The following DYSF variants were observed in gnomAD, a reference collection of about 807,000 sequenced individuals.
The protein encoded by DYSF is dystrophy-associated fer-1-like 1.
A neutral mutation model predicts 274.9 loss-of-function variants in DYSF; 212 were observed. That is an observed-to-expected ratio of 0.77 (90% CI 0.69 to 0.86). The LOEUF is 0.86. DYSF is among the 40% of genes least tolerant of loss of function. DYSF has a pLI of 0.00. For synonymous variants in DYSF, 1,091 were observed against 1,078.7 expected, an observed-to-expected ratio of 1.01 and a Z score of -0.22; for missense variants, 2,666 against 2,783.2, an observed-to-expected ratio of 0.96 and a Z score of 0.95.
rs975954590 is a variant in DYSF, at chr2:71,568,165, C to T, written c.2698-7C>T. On this transcript the variant is annotated splice_region_variant and splice_polypyrimidine_tract_variant and intron_variant, in intron 25 of 55. Transcript: ENST00000410020. Reference sequence around the variant, plus strand: ...CTGCTCACGCCTCATTCTTCCTGGCCCTCCAGTATGAGAACGAGACTAAGT... The same window carrying T: ...CTGCTCACGCCTCATTCTTCCTGGCTCTCCAGTATGAGAACGAGACTAAGT... 1 of 1,614,214 alleles carries T rather than the reference C, an allele frequency of 6.2e-7. No homozygotes were observed. Among genetic ancestry groups the T allele is most frequent in the Non-Finnish European group, 8.5e-7 (1 of 1,180,038 alleles).
intron 29 of DYSF, among the ~76,000 whole-genome samples, chr2:71,573,200 C>T (rs770799845): frequency 6.6e-6 from 1 of 152,214 alleles, no homozygotes; most frequent in South Asian, 2.1e-4. Context: ...TTGCTGGCTC[C>T]AGGGAGGGGC....
chr2:71,535,815 C>A (rs1482812269), intron 16 of DYSF, among the ~76,000 whole-genome samples: 4 of 152,186 alleles, frequency 2.6e-5, no homozygotes, highest in African/African-American at 9.7e-5. Flanking sequence ...GTGAGGACAG[C>A]AGCTCACGGG....
intron 4 of DYSF, among the ~76,000 whole-genome samples, chr2:71,511,230 G>T (rs537538742): frequency 6.6e-6 from 1 of 152,226 alleles, no homozygotes; most frequent in Non-Finnish European, 1.5e-5. Context: ...GTGCTGGGGG[G>T]CAGGAAGGAA....
chr2:71,588,194 A>T (rs983562782), intron 30 of DYSF, among the ~76,000 whole-genome samples: 4 of 152,114 alleles, frequency 2.6e-5, no homozygotes, highest in Non-Finnish European at 4.4e-5. Context: ...TTGGTGTCGG[A>T]TGGGGAAAGA....
At chr2:71,577,545 C>T (rs530667932) in intron 30 of DYSF, among the ~76,000 whole-genome samples, 19 of 151,252 alleles carry the variant, frequency 1.3e-4, no homozygotes, top group Non-Finnish European at 1.9e-4. Flanking sequence ...CACACTAACA[C>T]GTACACAATC....
chr2:71,577,323 GTC>G (rs980119920), intron 30 of DYSF, among the ~76,000 whole-genome samples: 5 of 147,498 alleles, frequency 3.4e-5, no homozygotes, highest in Non-Finnish European at 6.0e-5. Context: ...CACCAACACA[GTC>G]TCTCTCCACA....
intron 1 of DYSF, among the ~76,000 whole-genome samples, chr2:71,479,768 G>A (rs541486338): frequency 5.9e-4 from 90 of 152,312 alleles, no homozygotes; most frequent in African/African-American, 2.0e-3. Flanking sequence ...CAAAGTGTTA[G>A]TTCTTCTTGT....
chr2:71,607,773 G>T (rs2093672479), intron 36 of DYSF, among the ~76,000 whole-genome samples: 1 of 152,160 alleles, frequency 6.6e-6, no homozygotes, highest in East Asian at 1.9e-4. Flanking sequence ...TTGTCTAGAT[G>T]GTGGGGTCAG....
At chr2:71,506,960 G>C (rs887408235) in intron 4 of DYSF, among the ~76,000 whole-genome samples, 1 of 152,154 alleles carries the variant, frequency 6.6e-6, no homozygotes, top group African/African-American at 2.4e-5. Flanking sequence ...GATGGTGCCA[G>C]TTCTTCAGGA....
At chr2:71,571,157 CCCAGCACACCCAA>C (rs2092408643) in intron 29 of DYSF, among the ~76,000 whole-genome samples, 1 of 149,890 alleles carries the variant, frequency 6.7e-6, no homozygotes, top group African/African-American at 2.5e-5. Context: ...ACAGATCACA[CCCAGCACACCCAA>C]AGATCACACC....
chr2:71,540,109 T>C (rs980604255), intron 17 of DYSF, among the ~76,000 whole-genome samples: 3 of 150,108 alleles, frequency 2.0e-5, no homozygotes, highest in African/African-American at 7.5e-5. Context: ...TTCAACTTTT[T>C]TTTTCTTTTT....
In DYSF at chr2:71,658,323, T is replaced by G. The variant is rs150692044; in HGVS notation, c.4756-555T>G. On this transcript the variant is annotated intron_variant, in intron 43 of 55. Coordinates refer to ENST00000410020, the MANE Select transcript of DYSF (RefSeq NM_001130987.2). Reference sequence around the variant, plus strand: ...CTATCAGCATTTTGGGCAAAGCCATTAAACAAGTCTTTAGGAAGTTCCATA... The same window carrying G: ...CTATCAGCATTTTGGGCAAAGCCATGAAACAAGTCTTTAGGAAGTTCCATA... Among the ~76,000 whole-genome samples the G allele has an allele frequency of 2.3e-3, 357 of 152,338 alleles. 2 individuals are homozygous for G. Among genetic ancestry groups the G allele is most frequent in the African/African-American group, 7.8e-3 (325 of 41,568 alleles).
intron 30 of DYSF, 48 bp from the exon 31 acceptor site, chr2:71,589,545 C>A (rs1467594762): frequency 6.5e-7 from 1 of 1,537,624 alleles, no homozygotes; most frequent in Admixed American, 1.7e-5. Context: ...TCCCTGCCAC[C>A]CCCAGGCCTG....
At chr2:71,641,209 C>T (rs140538320) in intron 41 of DYSF, among the ~76,000 whole-genome samples, 12,820 of 126,112 alleles carry the variant, frequency 0.1, 634 homozygotes, top group Middle Eastern at 0.18. Flanking sequence ...GACGGAGTCT[C>T]GCTCTGTGGC....
At chr2:71,570,142 G>A (rs989225347) in intron 27 of DYSF, 87 bp from the exon 28 acceptor site, 28 of 1,262,874 alleles carry the variant, frequency 2.2e-5, no homozygotes, top group Non-Finnish European at 3.0e-5. Context: ...CTTGGAGGAC[G>A]TATGTTGTCA....
chr2:71,606,957 C>T (rs779553243), intron 36 of DYSF, among the ~76,000 whole-genome samples: 15 of 152,202 alleles, frequency 9.9e-5, no homozygotes, highest in Admixed American at 2.0e-4. Flanking sequence ...CACCCTCCCT[C>T]TTCCCCTTCA....
chr2:71,621,981 A>G lies in DYSF; in HGVS notation c.4527+1372A>G, dbSNP rs2094113436. 2.0e-5 allele frequency among the ~76,000 whole-genome samples: 3 copies of G among 152,156 alleles called. No individual in the cohort carries two copies. The South Asian group carries it at 6.2e-4, about 32-fold the overall frequency. ...GCCTATTCTTATATTCTTTAAAGAT[A>G]TGACTGCATGTCACATGAACATTCG... is the stretch of plus-strand genomic sequence containing the variant. On this transcript the variant is annotated intron_variant, in intron 41 of 55. Coordinates refer to ENST00000410020, the MANE Select transcript of DYSF (RefSeq NM_001130987.2).
rs6546702 is a variant in DYSF at position 71,516,510 on chromosome 2, T to C, written c.951+268T>C. ...AACAGCTCAGCTGGCAGGCAGCAGC[T>C]GCGGGAGAGCCCACTGCTCAGCATC... On this transcript the variant is annotated intron_variant, in intron 9 of 55. Transcript: ENST00000410020. Among the ~76,000 whole-genome samples, 111,991 of 152,222 alleles carry C rather than the reference T, an allele frequency of 0.74. 42,486 individuals are homozygous for C. Among genetic ancestry groups the C allele is most frequent in the African/African-American group, 0.81 (33,549 of 41,550 alleles).
chr2:71,523,695 C>T lies in DYSF; in HGVS notation c.1150-2525C>T, dbSNP rs1034883921. Among the ~76,000 whole-genome samples the T allele has an allele frequency of 5.3e-5, 8 of 152,082 alleles. No homozygotes were observed. The East Asian group carries it at 9.7e-4, about 18-fold the overall frequency. On this transcript the variant is annotated intron_variant, in intron 12 of 55. Coordinates refer to ENST00000410020, the MANE Select transcript of DYSF (RefSeq NM_001130987.2). ...CTGAGTAGCTGGGATTACAAGCGTG[C>T]GCCACCATATCCAGCTAATTTTTGT...
Sources: gnomAD v4.1 joint callset for allele counts (sites outside exome capture counted in the v4.1 genomes callset) on GRCh38, gnomAD v4.1.1 for gene constraint, MANE v1.5 for transcripts, NCBI Gene and HGNC (gene_info 2026-07-23, HGNC 2026-07-21) for gene names.